Variants in HTT observed in about 807,000 individuals in gnomAD.
HTT encodes the protein huntingtin.
A neutral mutation model predicts 362.3 loss-of-function variants in HTT; 104 were observed. The ratio of observed to expected loss-of-function variants is 0.29; its 90% CI spans 0.24 to 0.34. The LOEUF is 0.34. Among genes scored for constraint, HTT ranks in the 10% least tolerant of loss-of-function variants. The pLI is 1.00. For synonymous variants in HTT, 1,577 were observed against 1,548.7 expected (o/e 1.02, Z -0.43); for missense variants, 3,301 against 3,928.6 (o/e 0.84, Z 4.27).
At chr4:3,136,362 GTTGAAGTAC>G (rs753222550) in intron 21 of HTT, 36 bp downstream of exon 21, 1 of 1,135,780 alleles carries the variant, frequency 8.8e-7, no homozygotes, top group South Asian at 1.3e-5. Flanking sequence ...TCCTTTTTTG[GTTGAAGTAC>G]TAAAAGATAC....
Position 3,218,063 on chromosome 4 carries a change from C to T in HTT, c.7242+111C>T. The T allele has an allele frequency of 1.1e-6, 1 of 942,018 alleles. No homozygotes were observed. Among genetic ancestry groups the T allele is most frequent in the Non-Finnish European group, 1.5e-6 (1 of 648,126 alleles). The allele number at this position is 942,018 out of a possible 1,614,324, so 58.4% of individuals were successfully genotyped here. On this transcript the variant is annotated intron_variant, in intron 52 of 66. Coordinates refer to ENST00000355072, the MANE Select transcript of HTT (RefSeq NM_001388492.1). The surrounding 1 kb of genome is among the most constrained non-coding windows in gnomAD (Gnocchi z 4.4). Reference sequence around the variant, plus strand: ...CAGAATCCCCGCAGCCCAGAGGCTGCCTGCTGTGGTTCTGGTGCCCACTGT... The same window carrying T: ...CAGAATCCCCGCAGCCCAGAGGCTGTCTGCTGTGGTTCTGGTGCCCACTGT...
At position 3,212,449 on chromosome 4, in the gene HTT, T is replaced by G. The variant is rs188616383; in HGVS notation, c.6629-115T>G. ...GTGGACGGATGTGTAGATGTGCCAC[T>G]GAGGAACAATGTCTTGAGCTTTCAT... On this transcript the variant is annotated intron_variant, in intron 48 of 66. Transcript: ENST00000355072. The G allele has an allele frequency of 2.4e-4, 317 of 1,337,288 alleles. 1 individual carries two copies. The African/African-American group carries it at 4.0e-3, about 17-fold the overall frequency. The allele number at this position is 1,337,288 out of a possible 1,614,324, so 82.8% of individuals were successfully genotyped here. A position where few individuals can be genotyped will look rare whatever the true frequency, so the allele number is the denominator to read the frequency against.
At chr4:3,184,946 T>G (rs1177746129) in intron 37 of HTT, among the ~76,000 whole-genome samples, 2 of 152,054 alleles carry the variant, frequency 1.3e-5, no homozygotes, top group East Asian at 3.9e-4. Flanking sequence ...AGATTTTTTT[T>G]AAGGCATTTT....
At chr4:3,084,776 G>A (rs1179337259) in intron 1 of HTT, among the ~76,000 whole-genome samples, 1 of 151,920 alleles carries the variant, frequency 6.6e-6, no homozygotes, top group African/African-American at 2.4e-5. Context: ...CACTTTGGGA[G>A]GCCGAGATGG....
intron 8 of HTT, among the ~76,000 whole-genome samples, chr4:3,120,856 G>A (rs954799203): frequency 6.6e-6 from 1 of 152,228 alleles, no homozygotes; most frequent in Non-Finnish European, 1.5e-5. Context: ...CTCTTTCTCA[G>A]TGGCACTCAT....
At position 3,218,565 on chromosome 4, in the gene HTT, G is replaced by A. The variant is rs928729946; in HGVS notation, c.7242+613G>A. On this transcript the variant is annotated intron_variant, in intron 52 of 66. Transcript: ENST00000355072. The surrounding 1 kb of genome is among the most constrained non-coding windows in gnomAD (Gnocchi z 4.4). ...GGAGAATCGCTTGAACCCAGGAGGC[G>A]AAGGTTGCAGTAAGCCGAGATCGCG... Among the ~76,000 whole-genome samples the A allele has an allele frequency of 6.6e-6, 1 of 151,956 alleles. No homozygotes were observed. Among genetic ancestry groups the A allele is most frequent in the Non-Finnish European group, 1.5e-5 (1 of 68,020 alleles).
intron 8 of HTT, among the ~76,000 whole-genome samples, chr4:3,120,780 T>G (rs4690072): frequency 0.47 from 71,576 of 152,118 alleles, 17,467 homozygotes; most frequent in African/African-American, 0.58. Flanking sequence ...AAAGGTTGGG[T>G]AGCACTGTGA....
At chr4:3,162,062 T>C (rs994398320) in intron 29 of HTT, among the ~76,000 whole-genome samples, 1 of 152,170 alleles carries the variant, frequency 6.6e-6, no homozygotes, top group Non-Finnish European at 1.5e-5. Context: ...CTAGGTCTTA[T>C]GTTTAAGTCT....
chr4:3,129,684 G>A (rs546607279), intron 12 of HTT: 2 of 375,878 alleles, frequency 5.3e-6, no homozygotes, highest in African/African-American at 4.2e-5. Flanking sequence ...TGTCCACATT[G>A]GAATTTTTTT....
rs1037719394 is a variant in HTT, at chr4:3,228,985, C to T, written c.8085C>T (p.Ile2695=). ...PSSSARRTPA[I]LISEVVRSLL... Reference sequence around the variant, plus strand: ...GCTCAGCCAGGAGGACCCCGGCCATCCTGATCAGTGAGGTGGTCAGATCCG... The same window carrying T: ...GCTCAGCCAGGAGGACCCCGGCCATTCTGATCAGTGAGGTGGTCAGATCCG... The change falls in exon 59 of 67, where the codon ATC becomes ATT. Residue 2695 remains isoleucine (I), a synonymous_variant. Coordinates refer to ENST00000355072, the MANE Select transcript of HTT (RefSeq NM_001388492.1). This position sits in a 1 kb window ranked among gnomAD's most constrained non-coding sequence, Gnocchi z 4.3. 2 of 1,613,746 alleles carry T rather than the reference C, an allele frequency of 1.2e-6. No individual in the cohort carries two copies. Among genetic ancestry groups the T allele is most frequent in the Non-Finnish European group, 1.7e-6 (2 of 1,179,766 alleles).
chr4:3,191,620 G>A (rs1560587227), intron 40 of HTT, among the ~76,000 whole-genome samples: 1 of 152,186 alleles, frequency 6.6e-6, no homozygotes, highest in Non-Finnish European at 1.5e-5. Context: ...AGATGGTAGA[G>A]ATAGAGGTGG....
rs962730500 is a variant in HTT at position 3,206,232 on chromosome 4, G to C, written c.5719-264G>C. 6.6e-6 allele frequency among the ~76,000 whole-genome samples: 1 copy of C among 152,240 alleles called. No homozygotes were observed. The highest frequency in any genetic ancestry group is 2.4e-5 in the African/African-American group (1 of 41,468). On this transcript the variant is annotated intron_variant, in intron 42 of 66. Coordinates refer to ENST00000355072, the MANE Select transcript of HTT (RefSeq NM_001388492.1). This position sits in a 1 kb window ranked among gnomAD's most constrained non-coding sequence, Gnocchi z 4.6. ...CCCTTGGCCATTTGTTAGTGTCTCT[G>C]AGAGCTGGACTGCTGTACCCTACTT... is the stretch of plus-strand genomic sequence containing the variant.
intron 28 of HTT, among the ~76,000 whole-genome samples, chr4:3,157,678 G>C (rs1006381260): frequency 1.3e-5 from 2 of 152,182 alleles, no homozygotes; most frequent in Non-Finnish European, 2.9e-5. Context: ...GCTAGGGAAA[G>C]TTTATGTCAG....
rs543863774 is a variant in HTT, at chr4:3,228,932, T to C, written c.8032T>C (p.Leu2678=). The change falls in exon 59 of 67, where the codon TTG becomes CTG. Residue 2678 remains leucine, a synonymous_variant. Transcript: ENST00000355072. The surrounding 1 kb of genome is among the most constrained non-coding windows in gnomAD (Gnocchi z 4.3). ...IHSCSQFLLE[L]YSRWILPSSS... Reference sequence around the variant, plus strand: ...CTCCTGTTCGCAGTTTTTGCTTGAGTTGTACAGCCGCTGGATCCTGCCGTC... The same window carrying C: ...CTCCTGTTCGCAGTTTTTGCTTGAGCTGTACAGCCGCTGGATCCTGCCGTC... 76 of 1,613,638 alleles carry C rather than the reference T, an allele frequency of 4.7e-5. No individual in the cohort carries two copies. The highest frequency in any genetic ancestry group is 5.7e-5 in the Non-Finnish European group (67 of 1,179,824).
chr4:3,156,637 G>GT (rs1250145381), intron 27 of HTT, among the ~76,000 whole-genome samples: 2 of 152,190 alleles, frequency 1.3e-5, no homozygotes, highest in Non-Finnish European at 2.9e-5. Context: ...TTTAGTATCG[G>GT]TTTAATGATA....
chr4:3,131,488 A>T, intron 15 of HTT, 91 bp downstream of exon 15: 1 of 1,449,358 alleles, frequency 6.9e-7, no homozygotes. Flanking sequence ...CGTGCAGCAG[A>T]GGAAGTAGAA....
intron 29 of HTT, among the ~76,000 whole-genome samples, chr4:3,160,793 C>T (rs1272936813): frequency 6.6e-6 from 1 of 152,106 alleles, no homozygotes; most frequent in Admixed American, 6.5e-5. Flanking sequence ...CTGGGGTTGA[C>T]AGTCATATTC....
chr4:3,230,316 G>A (rs914797454), intron 60 of HTT, among the ~76,000 whole-genome samples: 5 of 152,162 alleles, frequency 3.3e-5, no homozygotes, highest in Non-Finnish European at 5.9e-5. Context: ...CATTGTAGTA[G>A]CCCATCCCCA....
intron 10 of HTT, 58 bp from the exon 11 acceptor site, chr4:3,125,491 A>C: frequency 9.3e-7 from 1 of 1,073,316 alleles, no homozygotes. Flanking sequence ...GCATTTACTT[A>C]ATTTTGAAGT....
Sources: allele counts gnomAD v4.1 joint callset (sites outside exome capture counted in the v4.1 genomes callset), GRCh38; gene constraint gnomAD v4.1.1; non-coding constraint Gnocchi (gnomAD v3.1); transcripts MANE v1.5; gene names NCBI Gene and HGNC (gene_info 2026-07-23, HGNC 2026-07-21).